CYRIA: variants seen among roughly 807,000 people sequenced by gnomAD.
The protein encoded by CYRIA is CYFIP related Rac1 interactor A.
A neutral mutation model predicts 43.9 loss-of-function variants in CYRIA; 15 were observed. The observed-to-expected ratio is 0.34, with a 90% CI of 0.23 to 0.53. The LOEUF is 0.53. Among genes scored for constraint, CYRIA ranks in the 20% least tolerant of loss-of-function variants. The probability of loss-of-function intolerance (pLI) is 0.94; values close to 1 mark genes in which losing one functional copy is unlikely to be tolerated. For missense variants in CYRIA, 236 were observed against 394.2 expected (o/e 0.60, Z 3.40); for synonymous variants, 117 against 136.0 (o/e 0.86, Z 0.97).
chr2:16,619,324 T>A (rs1165403748), intron 2 of CYRIA, among the ~76,000 whole-genome samples: 3 of 152,136 alleles, frequency 2.0e-5, no homozygotes, highest in Admixed American at 6.5e-5. Context: ...CACACGTAGG[T>A]ACATGCATAT....
intron 2 of CYRIA, among the ~76,000 whole-genome samples, chr2:16,591,180 AACTTTGGTT>A (rs1667918562): frequency 6.6e-6 from 1 of 152,206 alleles, no homozygotes; most frequent in African/African-American, 2.4e-5. Flanking sequence ...TCAATAAAAT[AACTTTGGTT>A]ATTATGCACT....
chr2:16,647,776 C>G (rs1388380264), intron 1 of CYRIA, among the ~76,000 whole-genome samples: 1 of 152,214 alleles, frequency 6.6e-6, no homozygotes, highest in Non-Finnish European at 1.5e-5. Flanking sequence ...ACAGCCCCCA[C>G]AACCCCGCAG....
chr2:16,617,323 C>G (rs1011679614), intron 2 of CYRIA, among the ~76,000 whole-genome samples: 12 of 152,200 alleles, frequency 7.9e-5, no homozygotes, highest in Non-Finnish European at 1.8e-4. Context: ...GCCCCAACCC[C>G]CGGACTCTGC....
Position 16,593,712 on chromosome 2 carries a change from G to T in CYRIA, c.-10-5583C>A, listed in dbSNP as rs1449769654. 3.7e-4 allele frequency among the ~76,000 whole-genome samples: 32 copies of T among 86,428 alleles called. 1 individual carries two copies. The highest frequency in any genetic ancestry group is 4.7e-4 in the Non-Finnish European group (21 of 45,040). The allele number at this position is 86,428 out of a possible 152,430, so 56.7% of individuals were successfully genotyped here. On this transcript the variant is annotated intron_variant, in intron 2 of 11. Transcript: ENST00000381323. Reference sequence around the variant, plus strand: ...TGTGTGTGTGTGTTTTTTTTTGTGTGTGTGTGTTTTTTTTTTTTTTTTTTT... The same window carrying T: ...TGTGTGTGTGTGTTTTTTTTTGTGTTTGTGTGTTTTTTTTTTTTTTTTTTT...
At chr2:16,567,569 TA>T (rs1452241944) in intron 3 of CYRIA, among the ~76,000 whole-genome samples, 4 of 152,142 alleles carry the variant, frequency 2.6e-5, no homozygotes, top group South Asian at 4.1e-4. Context: ...TTCAGTTACC[TA>T]AACTCTCCAT....
chr2:16,577,483 G>C (rs2103439910), intron 3 of CYRIA, among the ~76,000 whole-genome samples: 1 of 152,274 alleles, frequency 6.6e-6, no homozygotes, highest in South Asian at 2.1e-4. Context: ...CTATAAGAAA[G>C]TTGAGGTTGC....
chr2:16,557,199 T>C (rs765507914), intron 10 of CYRIA, among the ~76,000 whole-genome samples: 3 of 152,194 alleles, frequency 2.0e-5, no homozygotes, highest in Non-Finnish European at 4.4e-5. Context: ...TGGTAGCCAC[T>C]TGGATGATTC....
At chr2:16,587,244 T>C (rs1667762476) in intron 3 of CYRIA, among the ~76,000 whole-genome samples, 1 of 152,300 alleles carries the variant, frequency 6.6e-6, no homozygotes, top group East Asian at 1.9e-4. Context: ...TTTAGCAATA[T>C]TTGTTTTATA....
At chr2:16,627,516 C>T (rs186683259) in intron 1 of CYRIA, among the ~76,000 whole-genome samples, 175 of 152,336 alleles carry the variant, frequency 1.1e-3, no homozygotes, top group African/African-American at 3.9e-3. Context: ...ACTAGGTAGG[C>T]ATTATTATTG....
intron 11 of CYRIA, among the ~76,000 whole-genome samples, chr2:16,553,512 C>T (rs778866015): frequency 1.3e-5 from 2 of 152,080 alleles, no homozygotes; most frequent in Non-Finnish European, 2.9e-5. Context: ...ATCATTTATG[C>T]AAAAGAAGGA....
In CYRIA at chr2:16,653,569, C is replaced by A. The variant is rs375032683; in HGVS notation, c.-167+12211G>T. On this transcript the variant is annotated intron_variant, in intron 1 of 11. Transcript: ENST00000381323. ...TTTTACTTGTTTATATGTTTATGGT[C>A]CATCTTTCCCCAACAAAATATAAGC... Among the ~76,000 whole-genome samples the A allele has an allele frequency of 1.1e-4, 17 of 151,966 alleles. No homozygotes were observed. The East Asian group carries it at 3.3e-3, about 29-fold the overall frequency.
chr2:16,564,241 C>T, intron 4 of CYRIA, 147 bp from the exon 5 acceptor site: 2 of 577,880 alleles, frequency 3.5e-6, no homozygotes, highest in Non-Finnish European at 6.0e-6. Context: ...GGATGGTCCT[C>T]CAACATGCTC....
chr2:16,655,657 A>AG (rs1052431028), intron 1 of CYRIA, among the ~76,000 whole-genome samples: 5 of 152,188 alleles, frequency 3.3e-5, no homozygotes, highest in African/African-American at 1.2e-4. Context: ...CTGATCACGC[A>AG]GGGGCTCAGA....
chr2:16,599,623 CCACT>C (rs1668130007), intron 2 of CYRIA, among the ~76,000 whole-genome samples: 1 of 144,252 alleles, frequency 6.9e-6, no homozygotes, highest in Non-Finnish European at 1.5e-5. Context: ...TGGCCTGCGC[CCACT>C]GTCTGGCACT....
chr2:16,568,227 G>GAAAAAAAAAAAAAAAAA (rs71400699), intron 3 of CYRIA, among the ~76,000 whole-genome samples: 1 of 88,754 alleles, frequency 1.1e-5, no homozygotes, highest in Non-Finnish European at 2.3e-5. Context: ...TTCAAAATCA[G>GAAAAAAAAAAAAAAAAA]AAAAAAAAAA....
At chr2:16,607,851 C>T (rs1420699907) in intron 2 of CYRIA, among the ~76,000 whole-genome samples, 2 of 152,176 alleles carry the variant, frequency 1.3e-5, no homozygotes, top group Non-Finnish European at 2.9e-5. Flanking sequence ...CCTGCCTAGG[C>T]CTCCCAAAGT....
At chr2:16,658,502 A>G (rs189630048) in intron 1 of CYRIA, among the ~76,000 whole-genome samples, 125 of 152,326 alleles carry the variant, frequency 8.2e-4, no homozygotes, top group African/African-American at 2.1e-3. Flanking sequence ...GAATTTGCCC[A>G]AGGAAAGGGC....
chr2:16,574,864 C>T (rs73211538), intron 3 of CYRIA, among the ~76,000 whole-genome samples: 13,496 of 152,184 alleles, frequency 0.089, 1,788 homozygotes, highest in African/African-American at 0.28. Context: ...AAATGTGGGA[C>T]GGGTACCCCC....
At chr2:16,580,246 A>T (rs1667505363) in intron 3 of CYRIA, among the ~76,000 whole-genome samples, 1 of 152,074 alleles carries the variant, frequency 6.6e-6, no homozygotes, top group African/African-American at 2.4e-5. Context: ...TCAGCCTAAA[A>T]GGCAGATATT....
Sources: allele counts gnomAD v4.1 joint callset (sites outside exome capture counted in the v4.1 genomes callset), GRCh38; gene constraint gnomAD v4.1.1; transcripts MANE v1.5; gene names NCBI Gene and HGNC (gene_info 2026-07-23, HGNC 2026-07-21).